The following CPQ variants were observed in gnomAD, a reference collection of about 807,000 sequenced individuals.
CPQ encodes the protein carboxypeptidase Q.
In CPQ, 37 loss-of-function variants were observed where a neutral mutation model predicts 45.7. The ratio of observed to expected loss-of-function variants is 0.81; its 90% CI spans 0.62 to 1.07. The LOEUF (loss-of-function observed/expected upper bound fraction) is 1.07. CPQ is among the 50% of genes least tolerant of loss of function. CPQ has a pLI of 0.00. For missense variants in CPQ, 537 were observed against 572.9 expected (o/e 0.94, Z 0.64); for synonymous variants, 186 against 205.8 (o/e 0.90, Z 0.82).
Position 96,783,913 on chromosome 8 carries a change from A to G in CPQ, c.-34-951A>G, listed in dbSNP as rs534092066. Among the ~76,000 whole-genome samples the G allele has an allele frequency of 2.0e-3, 301 of 152,286 alleles. 5 individuals are homozygous for G. Among genetic ancestry groups the G allele is most frequent in the Admixed American group, 0.019 (294 of 15,274 alleles). On this transcript the variant is annotated intron_variant, in intron 1 of 7. Transcript: ENST00000220763. ...CTGTATTTACCTATTGTGCATTAGT[A>G]AAAAACAGTTTGTGGACTGGTATGG...
At chr8:97,100,865 G>T (rs1811291904) in intron 7 of CPQ, among the ~76,000 whole-genome samples, 1 of 152,008 alleles carries the variant, frequency 6.6e-6, no homozygotes, top group African/African-American at 2.4e-5. Flanking sequence ...ATTGTTTATT[G>T]GATAATTTCA....
intron 7 of CPQ, among the ~76,000 whole-genome samples, chr8:97,135,805 A>G (rs973827941): frequency 7.2e-5 from 11 of 152,238 alleles, no homozygotes; most frequent in African/African-American, 2.7e-4. Flanking sequence ...AGTAGCCAGT[A>G]TATGCACTAA....
At chr8:96,847,836 CTTTTTTT>C (rs76194040) in intron 3 of CPQ, among the ~76,000 whole-genome samples, 1 of 84,532 alleles carries the variant, frequency 1.2e-5, no homozygotes, top group Non-Finnish European at 2.6e-5. Context: ...ATTTGTTTTC[CTTTTTTT>C]TTTTTTTTTT....
chr8:97,039,390 T>A (rs992212864), intron 6 of CPQ, among the ~76,000 whole-genome samples: 7 of 152,338 alleles, frequency 4.6e-5, no homozygotes, highest in African/African-American at 1.7e-4. Context: ...GTCCATTGGT[T>A]TGCTTACACT....
chr8:96,766,175 A>G (rs911360174), intron 1 of CPQ, among the ~76,000 whole-genome samples: 2 of 152,164 alleles, frequency 1.3e-5, no homozygotes, highest in Admixed American at 1.3e-4. Flanking sequence ...CAGATGAGAT[A>G]TAGAAAAGCC....
At chr8:96,950,923 G>A (rs1035157002) in intron 4 of CPQ, among the ~76,000 whole-genome samples, 4 of 152,010 alleles carry the variant, frequency 2.6e-5, no homozygotes, top group Non-Finnish European at 4.4e-5. Context: ...TTCAAATCCC[G>A]GCCTGCTTGC....
intron 1 of CPQ, among the ~76,000 whole-genome samples, chr8:96,773,478 TAAAGGGAACTTTCAAC>T (rs1163892385): frequency 6.6e-6 from 1 of 152,142 alleles, no homozygotes; most frequent in Non-Finnish European, 1.5e-5. Flanking sequence ...GAGAAAGGAT[TAAAGGGAACTTTCAAC>T]AAAGGGAACA....
intron 1 of CPQ, among the ~76,000 whole-genome samples, chr8:96,721,527 C>A (rs1563479094): frequency 6.6e-6 from 1 of 152,086 alleles, no homozygotes; most frequent in Non-Finnish European, 1.5e-5. Context: ...CTCATCTGCA[C>A]CTAGTACAGG....
chr8:96,747,299 A>AC (rs1484269193), intron 1 of CPQ, among the ~76,000 whole-genome samples: 1 of 151,904 alleles, frequency 6.6e-6, no homozygotes, highest in Non-Finnish European at 1.5e-5. Context: ...TCAAAAAAAA[A>AC]AAAAAAAAAC....
intron 1 of CPQ, among the ~76,000 whole-genome samples, chr8:96,716,596 T>G (rs59465035): frequency 0.27 from 40,675 of 151,998 alleles, 5,821 homozygotes; most frequent in East Asian, 0.6. Flanking sequence ...TTTTTATTCC[T>G]GAGTTACTTA....
intron 7 of CPQ, among the ~76,000 whole-genome samples, chr8:97,108,204 G>A (rs1053079829): frequency 6.6e-6 from 1 of 152,176 alleles, no homozygotes; most frequent in African/African-American, 2.4e-5. Context: ...AATATTCCAT[G>A]TTGTATAGCT....
chr8:96,666,162 C>T (rs533254835), intron 1 of CPQ, among the ~76,000 whole-genome samples: 8 of 152,130 alleles, frequency 5.3e-5, no homozygotes, highest in South Asian at 2.1e-4. Context: ...TTTAGCAAGA[C>T]GTCTGGTACC....
At chr8:96,732,803 G>A (rs1809929176) in intron 1 of CPQ, among the ~76,000 whole-genome samples, 1 of 152,058 alleles carries the variant, frequency 6.6e-6, no homozygotes, top group Non-Finnish European at 1.5e-5. Context: ...TACTGAACAG[G>A]GGCCCTACAT....
chr8:96,908,002 T>A (rs544540818), intron 4 of CPQ, among the ~76,000 whole-genome samples: 1 of 152,030 alleles, frequency 6.6e-6, no homozygotes, highest in Non-Finnish European at 1.5e-5. Context: ...AGGCAGAAAA[T>A]GAGTTCACAG....
chr8:97,110,562 C>A (rs183583206), intron 7 of CPQ, among the ~76,000 whole-genome samples: 2 of 152,252 alleles, frequency 1.3e-5, no homozygotes, highest in Admixed American at 1.3e-4. Context: ...GTGGTTTTTA[C>A]CCCTTTTCAT....
intron 6 of CPQ, among the ~76,000 whole-genome samples, chr8:97,031,165 AAAG>A (rs1247134468): frequency 6.6e-6 from 1 of 151,140 alleles, no homozygotes; most frequent in Non-Finnish European, 1.5e-5. Flanking sequence ...TATATAAAAA[AAAG>A]AATAGTTAAA....
chr8:96,789,760 A>G (rs1039574145), intron 2 of CPQ, among the ~76,000 whole-genome samples: 4 of 152,198 alleles, frequency 2.6e-5, no homozygotes, highest in Non-Finnish European at 5.9e-5. Flanking sequence ...CTCCAGGGTC[A>G]GAATAGCTTA....
chr8:96,944,478 T>C (rs1813163441), intron 4 of CPQ, among the ~76,000 whole-genome samples: 1 of 152,160 alleles, frequency 6.6e-6, no homozygotes, highest in Non-Finnish European at 1.5e-5. Flanking sequence ...CTGTACCATT[T>C]CTTTCTGAAG....
At chr8:96,723,979 C>T (rs1185736728) in intron 1 of CPQ, among the ~76,000 whole-genome samples, 1 of 151,998 alleles carries the variant, frequency 6.6e-6, no homozygotes, top group Non-Finnish European at 1.5e-5. Context: ...CAAGAACCTA[C>T]CCTAAACAAA....
Sources: allele counts gnomAD v4.1 joint callset (sites outside exome capture counted in the v4.1 genomes callset), GRCh38; gene constraint gnomAD v4.1.1; transcripts MANE v1.5; gene names NCBI Gene and HGNC (gene_info 2026-07-23, HGNC 2026-07-21).